CSRNP2: variants seen among roughly 807,000 people sequenced by gnomAD.
CSRNP2 encodes the protein cysteine/serine-rich nuclear protein 2.
A neutral mutation model predicts 36.6 loss-of-function variants in CSRNP2; 11 were observed. The observed-to-expected ratio is 0.30, with a 90% CI of 0.19 to 0.50. CSRNP2 has a LOEUF of 0.50. CSRNP2 is among the 20% of genes least tolerant of loss of function. The probability of loss-of-function intolerance (pLI) is 0.98; values close to 1 mark genes in which losing one functional copy is unlikely to be tolerated. For missense variants in CSRNP2, 483 were observed against 691.4 expected (o/e 0.70, Z 3.38); for synonymous variants, 248 against 275.3 (o/e 0.90, Z 0.98).
chr12:51,073,505 G>C (rs1939271090), intron 3 of CSRNP2, among the ~76,000 whole-genome samples: 1 of 151,714 alleles, frequency 6.6e-6, no homozygotes, highest in Non-Finnish European at 1.5e-5. Context: ...GCCGAGGCAG[G>C]TAGATCACTT....
chr12:51,068,294 G>A (rs1417280285), intron 3 of CSRNP2, among the ~76,000 whole-genome samples: 2 of 152,148 alleles, frequency 1.3e-5, no homozygotes, highest in Non-Finnish European at 2.9e-5. Flanking sequence ...TGGGATTACA[G>A]GCGTGAGTCA....
Position 51,061,328 on chromosome 12 carries a change from A to G in CSRNP2, c.*2418T>C, listed in dbSNP as rs1363363975. The G allele has an allele frequency of 6.6e-6, 1 of 152,654 alleles. No homozygotes were observed. Among genetic ancestry groups the G allele is most frequent in the Non-Finnish European group, 1.5e-5 (1 of 68,034 alleles). 9.5% of individuals were successfully genotyped at this position (152,654 alleles called of 1,614,324 possible). ...AGAACCAGACAAGCTTTGGATTCACATTGAAAATACTACCTGTGTACAGTA... is the reference window on the plus strand; with the variant it reads ...AGAACCAGACAAGCTTTGGATTCACGTTGAAAATACTACCTGTGTACAGTA... On this transcript the variant is annotated 3_prime_UTR_variant, in exon 5 of 5. Coordinates refer to ENST00000228515, the MANE Select transcript of CSRNP2 (RefSeq NM_030809.3).
chr12:51,082,360 C>A (rs994723611), intron 1 of CSRNP2, among the ~76,000 whole-genome samples: 1 of 152,160 alleles, frequency 6.6e-6, no homozygotes, highest in African/African-American at 2.4e-5. Flanking sequence ...CCTAAACTAC[C>A]ATCGTGTGGA....
rs888835972 is a variant in CSRNP2, at chr12:51,067,940, C to T, written c.441G>A (p.Val147=). 1 of 1,614,108 alleles carries T rather than the reference C, an allele frequency of 6.2e-7. No homozygotes were observed. Among genetic ancestry groups the T allele is most frequent in the Middle Eastern group, 1.6e-4 (1 of 6,062 alleles). The change falls in exon 4 of 5, where the codon GTG becomes GTA. Residue 147 remains valine, a synonymous_variant. Coordinates refer to ENST00000228515, the MANE Select transcript of CSRNP2 (RefSeq NM_030809.3). The surrounding 1 kb of genome is among the most constrained non-coding windows in gnomAD (Gnocchi z 4.1). ...CATCCAGCGTCAGGCCATCAGCCTC[C>T]ACCGACTCCACTGTCCCATTCTTGG... is the stretch of plus-strand genomic sequence containing the variant. The part of the protein sequence containing the change: ...KLTKNGTVES[V]EADGLTLDDV...
intron 1 of CSRNP2, among the ~76,000 whole-genome samples, chr12:51,078,450 C>A (rs183152808): frequency 2.0e-5 from 3 of 151,980 alleles, no homozygotes; most frequent in African/African-American, 7.3e-5. Flanking sequence ...AAAAAACGAG[C>A]CCAAAGTATC....
chr12:51,071,216 C>T (rs959359057), intron 3 of CSRNP2, among the ~76,000 whole-genome samples: 2 of 150,258 alleles, frequency 1.3e-5, no homozygotes, highest in African/African-American at 2.5e-5. Context: ...ACCGAGATTG[C>T]GCCACTGCAC....
At chr12:51,073,157 T>C (rs918794569) in intron 3 of CSRNP2, among the ~76,000 whole-genome samples, 45 of 152,034 alleles carry the variant, frequency 3.0e-4, no homozygotes, top group Admixed American at 2.5e-3. Flanking sequence ...AGTTCAAGGC[T>C]GCAATGAGCT....
chr12:51,070,013 G>C (rs1938955020), intron 3 of CSRNP2, among the ~76,000 whole-genome samples: 1 of 151,816 alleles, frequency 6.6e-6, no homozygotes, highest in South Asian at 2.1e-4. Context: ...TTTCTGGGCT[G>C]AGATGGATAG....
intron 1 of CSRNP2, 185 bp from the exon 2 acceptor site, chr12:51,076,832 T>A: frequency 2.5e-6 from 1 of 393,652 alleles, no homozygotes; most frequent in Non-Finnish European, 4.8e-6. Flanking sequence ...GCCCCTCTAT[T>A]CTCAATCACT....
chr12:51,076,828 C>A, intron 1 of CSRNP2, 181 bp from the exon 2 acceptor site: 1 of 418,996 alleles, frequency 2.4e-6, no homozygotes, highest in South Asian at 3.0e-5. Context: ...TTCAGCCCCT[C>A]TATTCTCAAT....
chr12:51,076,722 T>TA, intron 1 of CSRNP2, 75 bp from the exon 2 acceptor site: 1 of 694,048 alleles, frequency 1.4e-6, no homozygotes, highest in Admixed American at 2.8e-5. Context: ...CACAGCTCTC[T>TA]AAAGAAAGCA....
At chr12:51,077,555 T>C (rs927714331) in intron 1 of CSRNP2, among the ~76,000 whole-genome samples, 3 of 152,166 alleles carry the variant, frequency 2.0e-5, no homozygotes, top group Non-Finnish European at 4.4e-5. Flanking sequence ...TGAAGGACAT[T>C]AGCAGTCAGG....
At chr12:51,070,629 T>A (rs1201427425) in intron 3 of CSRNP2, among the ~76,000 whole-genome samples, 1 of 152,132 alleles carries the variant, frequency 6.6e-6, no homozygotes, top group Non-Finnish European at 1.5e-5. Context: ...GAAAAAAGAT[T>A]CCCAATGTAT....
At chr12:51,064,748 C>T in intron 4 of CSRNP2, 79 bp from the exon 5 acceptor site, 1 of 1,294,638 alleles carries the variant, frequency 7.7e-7, no homozygotes. Context: ...AGCTGGCAAA[C>T]AGGCAGTTGG....
At chr12:51,066,825 C>G (rs1267664355) in intron 4 of CSRNP2, among the ~76,000 whole-genome samples, 2 of 152,052 alleles carry the variant, frequency 1.3e-5, no homozygotes, top group African/African-American at 4.8e-5. Flanking sequence ...AGGCCCACAC[C>G]ATTCCTCTGC....
rs779366329 is a variant in CSRNP2, at chr12:51,063,890, A to C, written c.1488T>G (p.Asn496Lys). The C allele has an allele frequency of 1.2e-6, 2 of 1,614,040 alleles. No individual in the cohort carries two copies. Among genetic ancestry groups the C allele is most frequent in the African/African-American group, 2.7e-5 (2 of 75,024 alleles). ...PEDCNPEEPENEDFHPSWSPS... is the reference protein window; with the variant it reads ...PEDCNPEEPEKEDFHPSWSPS... Reference sequence around the variant, plus strand: ...GGGACCAGGAAGGGTGGAAGTCTTCATTTTCAGGCTCCTCAGGGTTACAAT... The same window carrying C: ...GGGACCAGGAAGGGTGGAAGTCTTCCTTTTCAGGCTCCTCAGGGTTACAAT... Residue 496 changes from asparagine to lysine, a missense_variant, in exon 5 of 5, where the codon AAT becomes AAG. By Grantham distance (94) the Asn-to-Lys change is moderately conservative. Transcript: ENST00000228515.
intron 1 of CSRNP2, among the ~76,000 whole-genome samples, chr12:51,082,064 G>C (rs922660519): frequency 2.0e-5 from 3 of 152,218 alleles, no homozygotes; most frequent in Non-Finnish European, 4.4e-5. Context: ...GATGGTCAGG[G>C]CTACCATCTG....
chr12:51,074,646 A>T (rs950695524), intron 2 of CSRNP2, among the ~76,000 whole-genome samples: 2 of 152,224 alleles, frequency 1.3e-5, no homozygotes, highest in Non-Finnish European at 2.9e-5. Context: ...CCATTTTTAG[A>T]CATCAGCTGG....
rs531600640 is a variant in CSRNP2 at position 51,063,132 on chromosome 12, G to A, written c.*614C>T. On this transcript the variant is annotated 3_prime_UTR_variant, in exon 5 of 5. Transcript: ENST00000228515. ...TTACAGACCAGGAATCCCCAGTGTGGGGAACAGGTCAGAGAACACCAAACA... is the reference window on the plus strand; with the variant it reads ...TTACAGACCAGGAATCCCCAGTGTGAGGAACAGGTCAGAGAACACCAAACA... 9 of 152,220 alleles carry A rather than the reference G, an allele frequency of 5.9e-5. No homozygotes were observed. Among genetic ancestry groups the A allele is most frequent in the African/African-American group, 2.2e-4 (9 of 41,534 alleles). 9.4% of individuals were successfully genotyped at this position (152,220 alleles called of 1,614,324 possible).
Sources: allele counts gnomAD v4.1 joint callset (sites outside exome capture counted in the v4.1 genomes callset), GRCh38; gene constraint gnomAD v4.1.1; non-coding constraint Gnocchi (gnomAD v3.1); transcripts MANE v1.5; gene names NCBI Gene and HGNC (gene_info 2026-07-23, HGNC 2026-07-21).